Variants in KCNT2 observed in about 807,000 individuals in gnomAD.
The protein encoded by KCNT2 is potassium channel subfamily T member 2.
Under a neutral mutation model 153.8 loss-of-function variants are expected in KCNT2, and 67 were observed. That is an observed-to-expected ratio of 0.44 (90% confidence interval 0.36 to 0.53). The LOEUF (loss-of-function observed/expected upper bound fraction) is 0.53, where lower values mean the gene tolerates loss of function less well. KCNT2 is among the 20% of genes least tolerant of loss of function. KCNT2 has a pLI of 0.00. For missense variants in KCNT2, 975 were observed against 1,354.8 expected (o/e 0.72, Z 4.40); for synonymous variants, 500 against 458.8 (o/e 1.09, Z -1.15).
At chr1:196,476,726 A>C (rs1678565222) in intron 5 of KCNT2, among the ~76,000 whole-genome samples, 1 of 152,098 alleles carries the variant, frequency 6.6e-6, no homozygotes, top group Non-Finnish European at 1.5e-5. Flanking sequence ...ACTTATTATA[A>C]ACTTTCCTAT....
At chr1:196,229,736 A>G (rs148830610) in intron 27 of KCNT2, among the ~76,000 whole-genome samples, 117 of 152,258 alleles carry the variant, frequency 7.7e-4, no homozygotes, top group Admixed American at 2.7e-3. Context: ...AAAAGGAAAC[A>G]GCCTTATTGC....
chr1:196,338,947 G>GC (rs1491039781), intron 16 of KCNT2, among the ~76,000 whole-genome samples: 1 of 22,000 alleles, frequency 4.5e-5, no homozygotes, highest in Non-Finnish European at 7.6e-5. Flanking sequence ...CTGCTTTTTA[G>GC]CAAAAAAAAA....
intron 26 of KCNT2, chr1:196,257,400 C>T (rs984934223): frequency 3.1e-6 from 3 of 973,310 alleles, no homozygotes; most frequent in Non-Finnish European, 3.7e-6. Flanking sequence ...TATGGAATAC[C>T]TTCTATTTGA....
At chr1:196,479,120 C>T in intron 5 of KCNT2, 59 bp downstream of exon 5, 1 of 1,096,464 alleles carries the variant, frequency 9.1e-7, no homozygotes, top group Non-Finnish European at 1.4e-6. Context: ...TAGAGGAATA[C>T]TGAGTAAATA....
At chr1:196,436,407 G>A (rs1156429378) in intron 8 of KCNT2, among the ~76,000 whole-genome samples, 2 of 151,486 alleles carry the variant, frequency 1.3e-5, no homozygotes, top group African/African-American at 4.8e-5. Flanking sequence ...ACAGTTGATT[G>A]TTACCTATAT....
chr1:196,513,838 G>A (rs934929875), intron 1 of KCNT2, among the ~76,000 whole-genome samples: 1 of 152,164 alleles, frequency 6.6e-6, no homozygotes, highest in Non-Finnish European at 1.5e-5. Context: ...GAACACAGAG[G>A]TATGAAAAGA....
intron 1 of KCNT2, among the ~76,000 whole-genome samples, chr1:196,502,327 A>T (rs1334672114): frequency 6.6e-6 from 1 of 152,206 alleles, no homozygotes; most frequent in Non-Finnish European, 1.5e-5. Flanking sequence ...GTAACATTGC[A>T]TAATGAAGGA....
chr1:196,465,741 A>T (rs987298231), intron 7 of KCNT2, among the ~76,000 whole-genome samples: 1 of 152,120 alleles, frequency 6.6e-6, no homozygotes, highest in Non-Finnish European at 1.5e-5. Context: ...AGATCAGAAA[A>T]TAGTATGTTT....
chr1:196,227,205 T>C lies in KCNT2; in HGVS notation c.*1019A>G, dbSNP rs534250806. ...TTAATACATCCTTCATTGAGTGTTATTGTTTCATTACCAAAGACATAAGGA... is the reference window on the plus strand; with the variant it reads ...TTAATACATCCTTCATTGAGTGTTACTGTTTCATTACCAAAGACATAAGGA... On this transcript the variant is annotated 3_prime_UTR_variant, in exon 28 of 28. Transcript: ENST00000294725. 4 of 152,156 alleles carry C rather than the reference T, an allele frequency of 2.6e-5. No homozygotes were observed. Among genetic ancestry groups the C allele is most frequent in the Non-Finnish European group, 5.9e-5 (4 of 67,884 alleles). The allele number at this position is 152,156 out of a possible 1,614,324, so 9.4% of individuals were successfully genotyped here. A position where few individuals can be genotyped will look rare whatever the true frequency, so the allele number is the denominator to read the frequency against.
rs8179435 is a variant in KCNT2, at chr1:196,410,135, T to A, written c.1186-11464A>T. On this transcript the variant is annotated intron_variant, in intron 12 of 27. Transcript: ENST00000294725. Reference sequence around the variant, plus strand: ...CCATTCAAGTCATTTGCCCATTTTTTAATCAGCTTATTTCCTTTCGTGTGT... The same window carrying A: ...CCATTCAAGTCATTTGCCCATTTTTAAATCAGCTTATTTCCTTTCGTGTGT... Among the ~76,000 whole-genome samples the A allele has an allele frequency of 1.3e-4, 20 of 151,710 alleles. No homozygotes were observed. The East Asian group carries it at 3.7e-3, about 28-fold the overall frequency.
At chr1:196,578,268 C>T (rs1460528164) in intron 1 of KCNT2, among the ~76,000 whole-genome samples, 1 of 151,378 alleles carries the variant, frequency 6.6e-6, no homozygotes, top group Admixed American at 6.6e-5. Flanking sequence ...CAGTTGTAAC[C>T]GATCCAGAAC....
At chr1:196,352,933 T>G (rs1572142759) in intron 14 of KCNT2, among the ~76,000 whole-genome samples, 1 of 152,142 alleles carries the variant, frequency 6.6e-6, no homozygotes, top group East Asian at 1.9e-4. Context: ...AAGAACATCT[T>G]TATTTCTGCC....
At chr1:196,539,622 G>T (rs1302231023) in intron 1 of KCNT2, among the ~76,000 whole-genome samples, 1 of 151,902 alleles carries the variant, frequency 6.6e-6, no homozygotes, top group East Asian at 1.9e-4. Flanking sequence ...TAAAAAAGTG[G>T]CATTTCCCTC....
intron 4 of KCNT2, among the ~76,000 whole-genome samples, chr1:196,480,150 A>C (rs1164032381): frequency 1.3e-5 from 2 of 152,192 alleles, no homozygotes; most frequent in African/African-American, 2.4e-5. Context: ...TCTGTGTTAA[A>C]TACTCTACAA....
At chr1:196,456,416 A>G (rs184517988) in intron 8 of KCNT2, among the ~76,000 whole-genome samples, 2 of 152,092 alleles carry the variant, frequency 1.3e-5, no homozygotes, top group Admixed American at 1.3e-4. Context: ...AAACAATACA[A>G]TTCTATTTGC....
chr1:196,457,007 T>A (rs1676729382), intron 8 of KCNT2, among the ~76,000 whole-genome samples: 1 of 151,944 alleles, frequency 6.6e-6, no homozygotes, highest in African/African-American at 2.4e-5. Flanking sequence ...AACAATTTAA[T>A]TCTCAACTGA....
intron 8 of KCNT2, among the ~76,000 whole-genome samples, chr1:196,459,053 G>C (rs146790644): frequency 6.6e-6 from 1 of 151,802 alleles, no homozygotes; most frequent in East Asian, 1.9e-4. Context: ...TAATATCTAA[G>C]AGTCCCATGA....
chr1:196,244,745 C>T (rs1260300619), intron 26 of KCNT2, among the ~76,000 whole-genome samples: 2 of 152,166 alleles, frequency 1.3e-5, no homozygotes, highest in African/African-American at 2.4e-5. Context: ...TGAATGGCAT[C>T]TCTGGACTTG....
intron 14 of KCNT2, among the ~76,000 whole-genome samples, chr1:196,360,406 C>G (rs1667518695): frequency 6.6e-6 from 1 of 151,980 alleles, no homozygotes; most frequent in Non-Finnish European, 1.5e-5. Context: ...GAATTATTTG[C>G]ATAGAGGCAA....
Sources: gnomAD v4.1 joint callset for allele counts (sites outside exome capture counted in the v4.1 genomes callset) on GRCh38, gnomAD v4.1.1 for gene constraint, MANE v1.5 for transcripts, NCBI Gene and HGNC (gene_info 2026-07-23, HGNC 2026-07-21) for gene names.